Variants in SLCO6A1 observed in about 807,000 individuals in gnomAD.
SLCO6A1 encodes the protein cancer/testis antigen 48.
In SLCO6A1, 65 loss-of-function variants were observed where a neutral mutation model predicts 72.7. The observed-to-expected ratio is 0.89, with a 90% CI of 0.73 to 1.10. The LOEUF (loss-of-function observed/expected upper bound fraction) is 1.10. Ranked by LOEUF, SLCO6A1 falls within the 50% of genes least tolerant of loss-of-function variation. The pLI is 0.00. For missense variants in SLCO6A1, 874 were observed against 872.6 expected, an observed-to-expected ratio of 1.00 and a Z score of -0.02; for synonymous variants, 314 against 298.2, an observed-to-expected ratio of 1.05 and a Z score of -0.55.
At chr5:102,450,738 A>G (rs191070028) in intron 6 of SLCO6A1, among the ~76,000 whole-genome samples, 1 of 152,240 alleles carries the variant, frequency 6.6e-6, no homozygotes, top group Non-Finnish European at 1.5e-5. Flanking sequence ...AAGCACACCA[A>G]TTGGTATGAT....
chr5:102,392,656 C>T (rs1746829601), intron 10 of SLCO6A1, among the ~76,000 whole-genome samples: 1 of 151,800 alleles, frequency 6.6e-6, no homozygotes, highest in African/African-American at 2.4e-5. Context: ...AATACGAATA[C>T]ACAACTAAGA....
intron 11 of SLCO6A1, among the ~76,000 whole-genome samples, chr5:102,389,548 G>A (rs1746629400): frequency 6.9e-6 from 1 of 145,564 alleles, no homozygotes; most frequent in Admixed American, 7.3e-5. Flanking sequence ...CCAAATATCA[G>A]GACCTTCTTG....
chr5:102,479,649 T>C (rs1335524968), intron 2 of SLCO6A1, among the ~76,000 whole-genome samples: 1 of 152,104 alleles, frequency 6.6e-6, no homozygotes, highest in Non-Finnish European at 1.5e-5. Context: ...TAAATACTTT[T>C]AATTCCCTTG....
chr5:102,390,849 G>C, intron 11 of SLCO6A1, 132 bp downstream of exon 11: 1 of 684,618 alleles, frequency 1.5e-6, no homozygotes, highest in Non-Finnish European at 2.4e-6. Flanking sequence ...CCTAAATTCT[G>C]CAAAGCAGCT....
intron 9 of SLCO6A1, among the ~76,000 whole-genome samples, chr5:102,408,361 C>T (rs953518165): frequency 7.4e-5 from 6 of 80,712 alleles, no homozygotes; most frequent in South Asian, 3.7e-4. Context: ...CAATAATAAA[C>T]TAATAGTTCC....
intron 10 of SLCO6A1, among the ~76,000 whole-genome samples, chr5:102,393,961 C>A (rs910455467): frequency 2.6e-5 from 4 of 152,134 alleles, no homozygotes; most frequent in Admixed American, 6.6e-5. Flanking sequence ...TCATTCTTAG[C>A]CCCATGTGAT....
chr5:102,381,488 T>C (rs1441613693), intron 12 of SLCO6A1, among the ~76,000 whole-genome samples: 1 of 151,818 alleles, frequency 6.6e-6, no homozygotes, highest in East Asian at 1.9e-4. Flanking sequence ...AATGAGCACC[T>C]AGGTTATTTC....
chr5:102,417,882 GC>G (rs1748374829), intron 8 of SLCO6A1, among the ~76,000 whole-genome samples: 1 of 152,010 alleles, frequency 6.6e-6, no homozygotes, highest in Non-Finnish European at 1.5e-5. Context: ...TGTAATCCCA[GC>G]TACTAGGAGG....
At chr5:102,375,310 C>T (rs1274123782) in intron 12 of SLCO6A1, among the ~76,000 whole-genome samples, 7 of 152,076 alleles carry the variant, frequency 4.6e-5, no homozygotes, top group East Asian at 3.9e-4. Context: ...ACTTACCCCT[C>T]GAAAATTTGA....
intron 9 of SLCO6A1, among the ~76,000 whole-genome samples, chr5:102,403,819 C>A (rs765221894): frequency 2.0e-5 from 3 of 152,096 alleles, no homozygotes; most frequent in Admixed American, 6.5e-5. Flanking sequence ...CTAGATACTG[C>A]AAATAATGGT....
intron 8 of SLCO6A1, among the ~76,000 whole-genome samples, chr5:102,418,167 T>C (rs2112607163): frequency 6.6e-6 from 1 of 152,064 alleles, no homozygotes; most frequent in African/African-American, 2.4e-5. Context: ...CCATTACCCT[T>C]ATCTTTGGAC....
At chr5:102,406,649 G>T (rs1747684393) in intron 9 of SLCO6A1, among the ~76,000 whole-genome samples, 1 of 152,046 alleles carries the variant, frequency 6.6e-6, no homozygotes, top group Admixed American at 6.6e-5. Context: ...TAGTAAGAAT[G>T]TTAAAATAGT....
chr5:102,414,461 A>T (rs1456435724), intron 8 of SLCO6A1, among the ~76,000 whole-genome samples: 1 of 152,232 alleles, frequency 6.6e-6, no homozygotes, highest in South Asian at 2.1e-4. Flanking sequence ...ATCATTGATG[A>T]TACAATCTTA....
chr5:102,413,603 T>C (rs937719070), intron 8 of SLCO6A1, among the ~76,000 whole-genome samples: 3 of 152,212 alleles, frequency 2.0e-5, no homozygotes, highest in Admixed American at 6.5e-5. Context: ...TGTATGGTCA[T>C]ATGCTTCCAT....
intron 1 of SLCO6A1, among the ~76,000 whole-genome samples, chr5:102,494,043 G>A (rs1361428554): frequency 6.6e-6 from 1 of 152,098 alleles, no homozygotes; most frequent in East Asian, 1.9e-4. Flanking sequence ...ATATAATAAA[G>A]CTACAGTAAC....
At position 102,420,594 on chromosome 5, in the gene SLCO6A1, G is replaced by A. The variant is rs545858390; in HGVS notation, c.1277-573C>T. 7.9e-5 allele frequency among the ~76,000 whole-genome samples: 12 copies of A among 152,154 alleles called. No homozygotes were observed. In the East Asian group the frequency reaches 2.3e-3, roughly 29 times the overall value. ...AGAAAGAGAAAAAGGAGGGGGAGGA[G>A]GAGGAGGAGCAGGAGAAATATAGTC... On this transcript the variant is annotated intron_variant, in intron 7 of 13. Transcript: ENST00000506729.
At chr5:102,469,335 C>T (rs917639631) in intron 4 of SLCO6A1, among the ~76,000 whole-genome samples, 1 of 152,040 alleles carries the variant, frequency 6.6e-6, no homozygotes, top group Non-Finnish European at 1.5e-5. Flanking sequence ...TTTTTTATTT[C>T]GTTGAGCAGT....
chr5:102,377,106 A>G (rs1010526460), intron 12 of SLCO6A1, among the ~76,000 whole-genome samples: 1 of 152,070 alleles, frequency 6.6e-6, no homozygotes, highest in Non-Finnish European at 1.5e-5. Flanking sequence ...CGAGGTTACA[A>G]TGACCCATGA....
chr5:102,471,034 T>G (rs1174852048), intron 4 of SLCO6A1, among the ~76,000 whole-genome samples: 1 of 152,038 alleles, frequency 6.6e-6, no homozygotes, highest in Non-Finnish European at 1.5e-5. Flanking sequence ...GTTTTCTCCT[T>G]TCTTGGGGCA....
Sources: allele counts gnomAD v4.1 joint callset (sites outside exome capture counted in the v4.1 genomes callset), GRCh38; gene constraint gnomAD v4.1.1; transcripts MANE v1.5; gene names NCBI Gene and HGNC (gene_info 2026-07-23, HGNC 2026-07-21).